Variants in RBFOX1 observed in about 807,000 individuals in gnomAD.
RBFOX1 encodes RNA binding protein fox-1 homolog 1.
In RBFOX1, 8 loss-of-function variants were observed where a neutral mutation model predicts 57.7. That is an observed-to-expected ratio of 0.14 (90% CI 0.08 to 0.25). RBFOX1 has a LOEUF of 0.25. RBFOX1 is among the 10% of genes least tolerant of loss of function. The probability of loss-of-function intolerance (pLI) is 1.00; values close to 1 mark genes in which losing one functional copy is unlikely to be tolerated. For synonymous variants in RBFOX1, 326 were observed against 222.4 expected, an observed-to-expected ratio of 1.47 and a Z score of -4.15; for missense variants, 611 against 548.5, an observed-to-expected ratio of 1.11 and a Z score of -1.14.
chr16:6,865,222 C>T (rs1272186495), intron 3 of RBFOX1, among the ~76,000 whole-genome samples: 3 of 151,780 alleles, frequency 2.0e-5, no homozygotes, highest in African/African-American at 4.8e-5. Context: ...AGGCTGGTCT[C>T]GAACTCCTGA....
intron 1 of RBFOX1, among the ~76,000 whole-genome samples, chr16:6,313,809 C>T (rs1237005811): frequency 8.8e-6 from 1 of 113,780 alleles, no homozygotes; most frequent in African/African-American, 3.5e-5. Flanking sequence ...TAATTGCAAA[C>T]TCAGAACATT....
intron 5 of RBFOX1, among the ~76,000 whole-genome samples, chr16:7,551,257 C>T (rs898100314): frequency 6.6e-6 from 1 of 151,996 alleles, no homozygotes; most frequent in South Asian, 2.1e-4. Context: ...ACCACTTGTC[C>T]CCCAGAAACA....
At chr16:6,787,076 G>C (rs538520159) in intron 3 of RBFOX1, among the ~76,000 whole-genome samples, 1 of 152,238 alleles carries the variant, frequency 6.6e-6, no homozygotes, top group African/African-American at 2.4e-5. Context: ...TGAAAAGAAA[G>C]CATCCCTCAT....
chr16:5,943,983 C>T (rs2059337001), intron 4 of RBFOX1, among the ~76,000 whole-genome samples: 2 of 150,868 alleles, frequency 1.3e-5, no homozygotes, highest in African/African-American at 4.9e-5. Flanking sequence ...ACCCATCCAT[C>T]TTTCCATCCA....
Position 5,770,609 on chromosome 16 carries a change from C to T in RBFOX1, c.319-96694C>T, listed in dbSNP as rs559969581. On this transcript the variant is annotated intron_variant, in intron 3 of 19. Coordinates refer to the RBFOX1 transcript ENST00000641259. ...GCAGCCATTTTCCTGTTCTCTGTTG[C>T]TCTAGTAAACACGCTTTGCTTTCAT... Among the ~76,000 whole-genome samples the T allele has an allele frequency of 6.5e-4, 99 of 152,328 alleles. 1 individual carries two copies. The highest frequency in any genetic ancestry group is 2.2e-3 in the African/African-American group (91 of 41,564).
intron 3 of RBFOX1, among the ~76,000 whole-genome samples, chr16:6,795,240 A>G (rs530304456): frequency 7.2e-5 from 11 of 152,124 alleles, no homozygotes; most frequent in South Asian, 2.1e-4. Flanking sequence ...CAAACCACCT[A>G]AATTTTTTAA....
intron 14 of RBFOX1, among the ~76,000 whole-genome samples, chr16:7,678,591 T>C (rs572396628): frequency 6.6e-6 from 1 of 152,234 alleles, no homozygotes; most frequent in South Asian, 2.1e-4. Flanking sequence ...TTTATCTTGC[T>C]TTTCAGTATA....
At chr16:6,563,742 G>A (rs914246207) in intron 2 of RBFOX1, among the ~76,000 whole-genome samples, 33 of 152,208 alleles carry the variant, frequency 2.2e-4, no homozygotes, top group Admixed American at 7.2e-4. Context: ...ACACACATCA[G>A]TAGGGCTTGG....
At chr16:6,620,007 C>CT (rs2098203765) in intron 2 of RBFOX1, among the ~76,000 whole-genome samples, 1 of 152,188 alleles carries the variant, frequency 6.6e-6, no homozygotes, top group Non-Finnish European at 1.5e-5. Context: ...ATGGCCTCCA[C>CT]TTCCATCCAT....
At chr16:6,616,605 G>A (rs1045363139) in intron 2 of RBFOX1, among the ~76,000 whole-genome samples, 1 of 152,198 alleles carries the variant, frequency 6.6e-6, no homozygotes, top group South Asian at 2.1e-4. Flanking sequence ...GAACCTGGAG[G>A]CGGAGCTTGC....
chr16:5,767,106 C>T (rs925965689), intron 3 of RBFOX1, among the ~76,000 whole-genome samples: 2 of 152,166 alleles, frequency 1.3e-5, no homozygotes, highest in African/African-American at 4.8e-5. Context: ...GTTTGCACAC[C>T]CAAAGTGTTC....
At chr16:5,827,096 C>CCT (rs2056085657) in intron 3 of RBFOX1, among the ~76,000 whole-genome samples, 1 of 152,000 alleles carries the variant, frequency 6.6e-6, no homozygotes, top group Admixed American at 6.6e-5. Flanking sequence ...CACATGAGAC[C>CCT]CTCCTTTAAA....
chr16:7,511,356 G>A (rs1233855323), intron 4 of RBFOX1, among the ~76,000 whole-genome samples: 2 of 152,018 alleles, frequency 1.3e-5, no homozygotes, highest in Non-Finnish European at 2.9e-5. Flanking sequence ...AATGTCTTGG[G>A]GAAAAAACAA....
intron 3 of RBFOX1, among the ~76,000 whole-genome samples, chr16:5,741,676 C>T (rs147891646): frequency 3.3e-5 from 5 of 152,306 alleles, no homozygotes; most frequent in African/African-American, 1.2e-4. Context: ...ATTTATGGCT[C>T]CATTAAAATT....
chr16:5,486,883 C>T (rs2042646688), intron 2 of RBFOX1, among the ~76,000 whole-genome samples: 1 of 151,998 alleles, frequency 6.6e-6, no homozygotes, highest in Non-Finnish European at 1.5e-5. Flanking sequence ...CTGTGAGACC[C>T]AGCAACCTCA....
chr16:7,189,457 C>G (rs113784089), intron 4 of RBFOX1, among the ~76,000 whole-genome samples: 1,390 of 138,806 alleles, frequency 0.01, 48 homozygotes, highest in African/African-American at 0.037. Flanking sequence ...AAGGAATCCT[C>G]AATGGATAGA....
chr16:7,042,525 C>A (rs1374436096), intron 3 of RBFOX1, among the ~76,000 whole-genome samples: 5 of 152,206 alleles, frequency 3.3e-5, no homozygotes, highest in African/African-American at 1.2e-4. Flanking sequence ...TTACAAAGTT[C>A]TGAGAATTAA....
At chr16:5,898,691 C>A in intron 4 of RBFOX1, among the ~76,000 whole-genome samples, 1 of 151,946 alleles carries the variant, frequency 6.6e-6, no homozygotes, top group Middle Eastern at 3.2e-3. Context: ...TGATCTCAAG[C>A]CATTTGACTT....
intron 1 of RBFOX1, among the ~76,000 whole-genome samples, chr16:6,203,499 A>G (rs893516291): frequency 2.6e-5 from 4 of 152,104 alleles, no homozygotes; most frequent in Non-Finnish European, 4.4e-5. Flanking sequence ...ATGGACATTT[A>G]TGTTGTTTCC....
Sources: allele counts gnomAD v4.1 joint callset (sites outside exome capture counted in the v4.1 genomes callset), GRCh38; gene constraint gnomAD v4.1.1; transcripts MANE v1.5; gene names NCBI Gene and HGNC (gene_info 2026-07-23, HGNC 2026-07-21).